OBI1: variants seen among roughly 807,000 people sequenced by gnomAD.
The protein encoded by OBI1 is ORC ubiquitin ligase 1, also known as ring finger protein 219.
A neutral mutation model predicts 62.4 loss-of-function variants in OBI1; 59 were observed. The ratio of observed to expected loss-of-function variants is 0.95; its 90% CI spans 0.77 to 1.17. The LOEUF (loss-of-function observed/expected upper bound fraction) is 1.17, where lower values mean the gene tolerates loss of function less well. Ranked by LOEUF, OBI1 falls within the 50% of genes most tolerant of loss-of-function variation. The pLI is 0.00. For synonymous variants in OBI1, 302 were observed against 292.8 expected (o/e 1.03, Z -0.32); for missense variants, 875 against 830.9 (o/e 1.05, Z -0.65).
chr13:78,646,208 GATATTATACTCGTGTTTACATATTT>G (rs1170078087), intron 1 of OBI1, among the ~76,000 whole-genome samples: 2 of 152,138 alleles, frequency 1.3e-5, no homozygotes, highest in African/African-American at 4.8e-5. Context: ...TATATTACCT[GATATTATACTCGTGTTTACATATTT>G]ATTGTCTATC....
chr13:78,631,630 AATAAGGATTC>A (rs1171597972), intron 5 of OBI1, among the ~76,000 whole-genome samples: 1 of 152,140 alleles, frequency 6.6e-6, no homozygotes, highest in Non-Finnish European at 1.5e-5. Flanking sequence ...TCAGAAGCAT[AATAAGGATTC>A]AGAAAGTGGC....
At chr13:78,623,226 G>A (rs1180370634) in intron 5 of OBI1, among the ~76,000 whole-genome samples, 1 of 150,196 alleles carries the variant, frequency 6.7e-6, no homozygotes, top group East Asian at 1.9e-4. Flanking sequence ...CACACGCGTT[G>A]GTTCCACAAA....
At chr13:78,648,491 A>G (rs1300288652) in intron 1 of OBI1, among the ~76,000 whole-genome samples, 2 of 152,148 alleles carry the variant, frequency 1.3e-5, no homozygotes, top group African/African-American at 4.8e-5. Context: ...TGTGCACATT[A>G]TATGAGAGGA....
intron 1 of OBI1, among the ~76,000 whole-genome samples, chr13:78,657,138 A>G (rs1239054444): frequency 1.3e-5 from 2 of 152,168 alleles, no homozygotes; most frequent in Admixed American, 1.3e-4. Context: ...TGGTAATAAC[A>G]TCAACTCCCC....
chr13:78,627,847 C>T (rs1340486917), intron 5 of OBI1, among the ~76,000 whole-genome samples: 3 of 152,132 alleles, frequency 2.0e-5, no homozygotes, highest in African/African-American at 4.8e-5. Flanking sequence ...ATAACGCACC[C>T]TCATTTTATG....
chr13:78,641,223 C>T (rs1006486391), intron 3 of OBI1, among the ~76,000 whole-genome samples: 1 of 152,126 alleles, frequency 6.6e-6, no homozygotes. Flanking sequence ...TACATTTTAG[C>T]ATTAAATGTC....
chr13:78,644,690 GC>G (rs147828850), intron 2 of OBI1, among the ~76,000 whole-genome samples, 171 bp downstream of exon 2: 2,166 of 152,044 alleles, frequency 0.014, 33 homozygotes, highest in African/African-American at 0.049. Flanking sequence ...ACCTCTCAGT[GC>G]CTTGTGCCCC....
chr13:78,648,622 G>A (rs1876456962), intron 1 of OBI1, among the ~76,000 whole-genome samples: 4 of 151,966 alleles, frequency 2.6e-5, no homozygotes. Flanking sequence ...ACATTTAAAA[G>A]CAATCAGTAG....
chr13:78,644,732 C>G, intron 2 of OBI1, 130 bp downstream of exon 2: 1 of 986,000 alleles, frequency 1.0e-6, no homozygotes, highest in South Asian at 1.5e-5. Context: ...ACACAAATTA[C>G]TCAACCACTC....
At chr13:78,634,635 T>C (rs1407694228) in intron 5 of OBI1, among the ~76,000 whole-genome samples, 1 of 152,200 alleles carries the variant, frequency 6.6e-6, no homozygotes, top group Non-Finnish European at 1.5e-5. Context: ...TGTGAAGATT[T>C]AGGTAAATTA....
At chr13:78,646,272 A>G (rs1174844511) in intron 1 of OBI1, among the ~76,000 whole-genome samples, 1 of 152,182 alleles carries the variant, frequency 6.6e-6, no homozygotes, top group African/African-American at 2.4e-5. Context: ...ACTCCATGAG[A>G]GCAAGAACTT....
At chr13:78,624,352 T>A (rs1331435655) in intron 5 of OBI1, among the ~76,000 whole-genome samples, 1 of 152,220 alleles carries the variant, frequency 6.6e-6, no homozygotes, top group Non-Finnish European at 1.5e-5. Context: ...TAATTCCTTA[T>A]CCCTCCATCT....
rs138568780 is a variant in OBI1 at position 78,616,945 on chromosome 13, C to T, written c.816G>A (p.Gln272=). 6.2e-7 allele frequency: 1 copy of T among 1,614,106 alleles called. No homozygotes were observed. The highest frequency in any genetic ancestry group is 1.3e-5 in the African/African-American group (1 of 75,054). ...EEKEAMNSIC[Q]TALSADGKGS... is the part of the protein sequence containing the mutation. ...CTTTGCCATCTGCAGAAAGTGCTGT[C>T]TGGCAAATGGAATTCATAGCTTCTT... Residue 272 remains glutamine, a synonymous_variant, in exon 6 of 6, where the codon CAG becomes CAA. Transcript: ENST00000282003.
intron 5 of OBI1, among the ~76,000 whole-genome samples, chr13:78,618,334 TCTTC>T (rs1875389052): frequency 6.6e-6 from 1 of 152,090 alleles, no homozygotes; most frequent in South Asian, 2.1e-4. Context: ...TTTATCTTTT[TCTTC>T]CTTTTTTCCC....
chr13:78,617,206 T>G, intron 5 of OBI1, 84 bp from the exon 6 acceptor site: 1 of 1,068,896 alleles, frequency 9.4e-7, no homozygotes, highest in Non-Finnish European at 1.3e-6. Context: ...TCCCAGGCTA[T>G]TCTAATTTCA....
Position 78,638,209 on chromosome 13 carries a change from G to A in OBI1, c.549+614C>T, listed in dbSNP as rs762522268. On this transcript the variant is annotated intron_variant, in intron 4 of 5. Coordinates refer to ENST00000282003, the MANE Select transcript of OBI1 (RefSeq NM_024546.4). ...TGGATCTTATCTCCCTTTCTAGGCC[G>A]AAAAATCCTAGAGGTTTGCCTTTTT... 7.2e-5 allele frequency among the ~76,000 whole-genome samples: 11 copies of A among 152,074 alleles called. No homozygotes were observed. In the South Asian group the frequency reaches 1.0e-3, roughly 14 times the overall value.
At chr13:78,647,341 T>C (rs933586351) in intron 1 of OBI1, among the ~76,000 whole-genome samples, 2 of 152,210 alleles carry the variant, frequency 1.3e-5, no homozygotes, top group African/African-American at 4.8e-5. Context: ...ACTGTACATT[T>C]GTTCAGTTCT....
At chr13:78,645,106 TAAG>T in intron 1 of OBI1, 109 bp from the exon 2 acceptor site, 2 of 1,046,194 alleles carry the variant, frequency 1.9e-6, no homozygotes, top group Non-Finnish European at 2.8e-6. Flanking sequence ...AGTAGGAGTT[TAAG>T]AAGGGATATC....
In OBI1 at chr13:78,635,116, G is replaced by A. The variant is rs1362316554; in HGVS notation, c.632C>T (p.Pro211Leu). 6.3e-7 allele frequency: 1 copy of A among 1,594,456 alleles called. No homozygotes were observed. The change falls in exon 5 of 6, where the codon CCT (proline) becomes CTT (leucine). Residue 211 changes from proline to leucine, a missense_variant. Coordinates refer to ENST00000282003, the MANE Select transcript of OBI1 (RefSeq NM_024546.4). ...RLKAEVDNRS[P>L]QKFGRFAVAA... ...CTGGGAGCAAAATACATACTTTTGAGGTGATCTGTTATCAACTTCAGCCTT... is the reference window on the plus strand; with the variant it reads ...CTGGGAGCAAAATACATACTTTTGAAGTGATCTGTTATCAACTTCAGCCTT...
Sources: gnomAD v4.1 joint callset for allele counts (sites outside exome capture counted in the v4.1 genomes callset) on GRCh38, gnomAD v4.1.1 for gene constraint, MANE v1.5 for transcripts, NCBI Gene and HGNC (gene_info 2026-07-23, HGNC 2026-07-21) for gene names.